ADAM2: variants seen among roughly 807,000 people sequenced by gnomAD.
ADAM2 encodes the protein ADAM metallopeptidase domain 2, also known as disintegrin and metalloproteinase domain-containing protein 2.
ADAM2 carries 101 observed loss-of-function variants against 99.3 expected under a neutral mutation model. The observed-to-expected ratio is 1.02, with a 90% CI of 0.87 to 1.20. ADAM2 has a LOEUF of 1.20. ADAM2 is among the 50% of genes most tolerant of loss of function. The pLI is 0.00. For missense variants in ADAM2, 948 were observed against 878.7 expected, an observed-to-expected ratio of 1.08 and a Z score of -1.00; for synonymous variants, 323 against 287.6, an observed-to-expected ratio of 1.12 and a Z score of -1.25.
chr8:39,817,929 A>C (rs1805020830), intron 6 of ADAM2: 1 of 151,870 alleles, frequency 6.6e-6, no homozygotes, highest in Non-Finnish European at 1.5e-5. Context: ...ATTATAATAG[A>C]CTTAATGAGA....
At chr8:39,777,811 T>C (rs1803056650) in intron 10 of ADAM2, among the ~76,000 whole-genome samples, 2 of 151,782 alleles carry the variant, frequency 1.3e-5, no homozygotes, top group African/African-American at 2.4e-5. Context: ...TGTATAACTA[T>C]TGTGTACCCA....
intron 10 of ADAM2, 86 bp downstream of exon 10, chr8:39,786,888 T>G: frequency 9.6e-7 from 1 of 1,041,452 alleles, no homozygotes; most frequent in Non-Finnish European, 1.4e-6. Context: ...CAATGCAAAT[T>G]TTAATACACA....
intron 15 of ADAM2, among the ~76,000 whole-genome samples, chr8:39,758,083 A>G (rs1017965228): frequency 6.6e-5 from 10 of 152,306 alleles, no homozygotes; most frequent in African/African-American, 2.4e-4. Flanking sequence ...ACTAAAATGT[A>G]CTTTATGGCA....
chr8:39,791,366 C>A (rs1187728507), intron 7 of ADAM2, among the ~76,000 whole-genome samples: 1 of 152,060 alleles, frequency 6.6e-6, no homozygotes, highest in Non-Finnish European at 1.5e-5. Context: ...GATAAATCTG[C>A]CTGACACAGC....
chr8:39,828,272 GA>G (rs1471166035), intron 3 of ADAM2, among the ~76,000 whole-genome samples: 2 of 151,382 alleles, frequency 1.3e-5, no homozygotes, highest in South Asian at 4.2e-4. Flanking sequence ...TGTGATGTGT[GA>G]AAAAAAATAA....
chr8:39,832,176 T>G (rs1184224003), intron 3 of ADAM2, among the ~76,000 whole-genome samples: 1 of 152,176 alleles, frequency 6.6e-6, no homozygotes, highest in East Asian at 1.9e-4. Context: ...CCTGGTGTCC[T>G]TATTTTGTAT....
At chr8:39,796,392 T>C (rs1460521968) in intron 7 of ADAM2, among the ~76,000 whole-genome samples, 1 of 152,200 alleles carries the variant, frequency 6.6e-6, no homozygotes, top group Non-Finnish European at 1.5e-5. Flanking sequence ...TTAGGTAGCA[T>C]AGTATTCCAT....
At chr8:39,787,936 T>C in intron 9 of ADAM2, 149 bp downstream of exon 9, 2 of 496,760 alleles carry the variant, frequency 4.0e-6, no homozygotes, top group East Asian at 6.9e-5. Flanking sequence ...GTAATTCCAA[T>C]ATAAATACCA....
At chr8:39,786,269 TTGTATA>T (rs754787418) in intron 10 of ADAM2, among the ~76,000 whole-genome samples, 2 of 152,162 alleles carry the variant, frequency 1.3e-5, no homozygotes, top group Non-Finnish European at 2.9e-5. Context: ...GGTGACAAAC[TTGTATA>T]TGTATGCCCT....
At chr8:39,749,788 G>GTT in intron 16 of ADAM2, 44 bp from the exon 17 acceptor site, 2 of 1,497,806 alleles carry the variant, frequency 1.3e-6, no homozygotes, top group Non-Finnish European at 1.9e-6. Context: ...ATGCCATCTA[G>GTT]AGTTGCCATT....
In ADAM2 at chr8:39,767,141, A is replaced by G. The variant is rs1802602420; in HGVS notation, c.1311+12T>C. 1 of 1,601,620 alleles carries G rather than the reference A, an allele frequency of 6.2e-7. No individual in the cohort carries two copies. Among genetic ancestry groups the G allele is most frequent in the Non-Finnish European group, 8.5e-7 (1 of 1,176,084 alleles). ...ATGTAGGTAATATTGAAATTTTTCA[A>G]AAAGCTCTTACTAGACAGTTTTCGC... is the stretch of plus-strand genomic sequence containing the variant. On this transcript the variant is annotated intron_variant, in intron 13 of 20. Coordinates refer to ENST00000265708, the MANE Select transcript of ADAM2 (RefSeq NM_001464.5).
At chr8:39,769,662 C>T (rs1051725578) in intron 11 of ADAM2, 87 bp from the exon 12 acceptor site, 15 of 820,950 alleles carry the variant, frequency 1.8e-5, no homozygotes, top group African/African-American at 1.2e-4. Context: ...CAGCATTCCA[C>T]AACAGACCAA....
chr8:39,783,132 A>C (rs1210810558), intron 10 of ADAM2, among the ~76,000 whole-genome samples: 1 of 152,142 alleles, frequency 6.6e-6, no homozygotes, highest in Non-Finnish European at 1.5e-5. Flanking sequence ...CGAGATTTTT[A>C]AGTGATATTT....
At chr8:39,770,069 C>T (rs539298762) in intron 11 of ADAM2, among the ~76,000 whole-genome samples, 1 of 151,732 alleles carries the variant, frequency 6.6e-6, no homozygotes, top group Admixed American at 6.6e-5. Flanking sequence ...CCTCAGCCTC[C>T]CAAGTAACTG....
chr8:39,776,811 T>G (rs1357275949), intron 11 of ADAM2, among the ~76,000 whole-genome samples: 1 of 152,112 alleles, frequency 6.6e-6, no homozygotes, highest in Non-Finnish European at 1.5e-5. Flanking sequence ...ATAAATGTAG[T>G]GTTAGATCAC....
chr8:39,765,441 C>G (rs545262965), intron 14 of ADAM2, among the ~76,000 whole-genome samples: 17 of 152,026 alleles, frequency 1.1e-4, no homozygotes, highest in Non-Finnish European at 1.8e-4. Flanking sequence ...ATATAAGAGA[C>G]ATATATAAAT....
chr8:39,750,389 C>T (rs955362091), intron 16 of ADAM2, among the ~76,000 whole-genome samples: 8 of 151,734 alleles, frequency 5.3e-5, no homozygotes, highest in Non-Finnish European at 1.2e-4. Flanking sequence ...ACAAAAAACT[C>T]GATATTATAT....
intron 16 of ADAM2, among the ~76,000 whole-genome samples, chr8:39,752,289 C>A (rs1401301409): frequency 6.6e-6 from 1 of 152,044 alleles, no homozygotes; most frequent in South Asian, 2.1e-4. Flanking sequence ...ATCAGAAAAA[C>A]GGTGATATAG....
intron 2 of ADAM2, among the ~76,000 whole-genome samples, chr8:39,835,675 C>T (rs1438251936): frequency 7.9e-6 from 1 of 126,194 alleles, no homozygotes; most frequent in Non-Finnish European, 1.8e-5. Context: ...AAGCAAGACT[C>T]CGTCTCAAAA....
Sources: gnomAD v4.1 joint callset for allele counts (sites outside exome capture counted in the v4.1 genomes callset) on GRCh38, gnomAD v4.1.1 for gene constraint, MANE v1.5 for transcripts, NCBI Gene and HGNC (gene_info 2026-07-23, HGNC 2026-07-21) for gene names.